The following ANGPT1 variants were observed in gnomAD, a reference collection of about 807,000 sequenced individuals.
ANGPT1 encodes angiopoietin-1.
ANGPT1 carries 17 observed loss-of-function variants against 62.2 expected under a neutral mutation model. The ratio of observed to expected loss-of-function variants is 0.27; its 90% confidence interval spans 0.19 to 0.41. The LOEUF (loss-of-function observed/expected upper bound fraction) is 0.41. Ranked by LOEUF, ANGPT1 falls within the 10% of genes least tolerant of loss-of-function variation. ANGPT1 has a pLI of 1.00. For missense variants in ANGPT1, 478 were observed against 594.9 expected, an observed-to-expected ratio of 0.80 and a Z score of 2.04; for synonymous variants, 199 against 198.9, an observed-to-expected ratio of 1.00 and a Z score of 0.00.
intron 5 of ANGPT1, among the ~76,000 whole-genome samples, chr8:107,296,981 C>A (rs1047794138): frequency 6.8e-5 from 10 of 148,046 alleles, no homozygotes; most frequent in Non-Finnish European, 1.5e-4. Context: ...TTGAAAAAGA[C>A]AACTTTCCTT....
At chr8:107,487,993 AG>A (rs1036315565) in intron 1 of ANGPT1, among the ~76,000 whole-genome samples, 1 of 152,200 alleles carries the variant, frequency 6.6e-6, no homozygotes, top group African/African-American at 2.4e-5. Context: ...TACATTCTTA[AG>A]GTAAAAGTAG....
chr8:107,405,194 A>G (rs1817124393), intron 1 of ANGPT1, among the ~76,000 whole-genome samples: 1 of 151,982 alleles, frequency 6.6e-6, no homozygotes, highest in Non-Finnish European at 1.5e-5. Context: ...ATGCAATTAT[A>G]TATGTATGCA....
chr8:107,268,210 G>T (rs4308706), intron 7 of ANGPT1, among the ~76,000 whole-genome samples: 34,606 of 151,944 alleles, frequency 0.23, 4,286 homozygotes, highest in Middle Eastern at 0.32. Flanking sequence ...TTTACTAACT[G>T]ATTAATTTTT....
chr8:107,475,053 A>G (rs903358767), intron 1 of ANGPT1, among the ~76,000 whole-genome samples: 12 of 152,186 alleles, frequency 7.9e-5, no homozygotes, highest in Non-Finnish European at 1.8e-4. Flanking sequence ...CAAGCTACCA[A>G]TGACTTTCTT....
chr8:107,436,005 C>G (rs368220897), intron 1 of ANGPT1, among the ~76,000 whole-genome samples: 1 of 152,278 alleles, frequency 6.6e-6, no homozygotes, highest in African/African-American at 2.4e-5. Flanking sequence ...TGGGCCCAAG[C>G]CATCCTCTCA....
At chr8:107,306,103 A>G (rs1372421320) in intron 4 of ANGPT1, among the ~76,000 whole-genome samples, 1 of 152,098 alleles carries the variant, frequency 6.6e-6, no homozygotes. Flanking sequence ...CAAGAATGGT[A>G]GTTGTTATGG....
intron 1 of ANGPT1, among the ~76,000 whole-genome samples, chr8:107,352,050 A>G (rs1443179296): frequency 2.0e-5 from 3 of 152,182 alleles, no homozygotes; most frequent in Admixed American, 2.0e-4. Flanking sequence ...CAGAGCTGGT[A>G]TGTTGCTTTG....
intron 1 of ANGPT1, among the ~76,000 whole-genome samples, chr8:107,447,305 G>C (rs1178370618): frequency 1.3e-5 from 2 of 152,194 alleles, no homozygotes; most frequent in African/African-American, 4.8e-5. Context: ...CAAAGGCAAA[G>C]TGCCTGTGGG....
At chr8:107,474,174 T>C (rs1028748261) in intron 1 of ANGPT1, among the ~76,000 whole-genome samples, 3 of 150,686 alleles carry the variant, frequency 2.0e-5, no homozygotes, top group Non-Finnish European at 3.0e-5. Flanking sequence ...AGAACATTGA[T>C]GCAAAAATCC....
chr8:107,424,521 C>T (rs1221321060), intron 1 of ANGPT1, among the ~76,000 whole-genome samples: 1 of 152,086 alleles, frequency 6.6e-6, no homozygotes, highest in African/African-American at 2.4e-5. Context: ...CTGATATAAA[C>T]CTTCTTTGGT....
chr8:107,315,276 ACTT>A (rs772570341), intron 4 of ANGPT1, among the ~76,000 whole-genome samples: 4 of 152,154 alleles, frequency 2.6e-5, no homozygotes, highest in Non-Finnish European at 5.9e-5. Context: ...TGAAATTTGA[ACTT>A]CTTATGAGAG....
At chr8:107,448,533 T>C (rs1189803090) in intron 1 of ANGPT1, among the ~76,000 whole-genome samples, 2 of 152,148 alleles carry the variant, frequency 1.3e-5, no homozygotes, top group African/African-American at 4.8e-5. Context: ...AACTCTGCTC[T>C]TACGGTGTAT....
chr8:107,346,075 T>C (rs1468552385), intron 2 of ANGPT1, among the ~76,000 whole-genome samples: 1 of 152,228 alleles, frequency 6.6e-6, no homozygotes, highest in Non-Finnish European at 1.5e-5. Flanking sequence ...CGGGAAGTTA[T>C]GTTATATAGG....
At chr8:107,335,494 C>T (rs1815537929) in intron 3 of ANGPT1, among the ~76,000 whole-genome samples, 1 of 152,140 alleles carries the variant, frequency 6.6e-6, no homozygotes, top group East Asian at 1.9e-4. Flanking sequence ...CTTTCATTGT[C>T]CCAGCATTCA....
chr8:107,446,909 C>T (rs762243772), intron 1 of ANGPT1, among the ~76,000 whole-genome samples: 10 of 152,142 alleles, frequency 6.6e-5, no homozygotes, highest in Non-Finnish European at 8.8e-5. Flanking sequence ...CATAAAATAA[C>T]GAAAACTCAG....
rs375791646 is a variant in ANGPT1 at position 107,264,624 on chromosome 8, G to A, written c.1206-273C>T. On this transcript the variant is annotated intron_variant, in intron 7 of 8. Transcript: ENST00000517746. ...ACTTGGGTTTATTGTATTAATACAG[G>A]TATTAACCTCTAAACATAAACGCTT... 2.0e-5 allele frequency among the ~76,000 whole-genome samples: 3 copies of A among 152,098 alleles called. No homozygotes were observed. In the East Asian group the frequency reaches 5.8e-4, roughly 29 times the overall value.
At chr8:107,473,794 A>G (rs1812428676) in intron 1 of ANGPT1, among the ~76,000 whole-genome samples, 1 of 152,114 alleles carries the variant, frequency 6.6e-6, no homozygotes, top group African/African-American at 2.4e-5. Flanking sequence ...CATTACCCTT[A>G]GACTTAGTAA....
At chr8:107,279,439 G>A (rs1241595746) in intron 7 of ANGPT1, among the ~76,000 whole-genome samples, 1 of 152,084 alleles carries the variant, frequency 6.6e-6, no homozygotes, top group East Asian at 1.9e-4. Flanking sequence ...TATGTGTTTT[G>A]GGTTTATTTA....
chr8:107,394,084 C>G (rs866912743), intron 1 of ANGPT1, among the ~76,000 whole-genome samples: 2 of 152,154 alleles, frequency 1.3e-5, no homozygotes, highest in Admixed American at 6.5e-5. Context: ...TTACAGTGCC[C>G]GCAAGCATTC....
Sources: allele counts gnomAD v4.1 joint callset (sites outside exome capture counted in the v4.1 genomes callset), GRCh38; gene constraint gnomAD v4.1.1; transcripts MANE v1.5; gene names NCBI Gene and HGNC (gene_info 2026-07-23, HGNC 2026-07-21).